Variants in GPR155 observed in about 807,000 individuals in gnomAD.
GPR155 encodes G protein-coupled receptor 155.
Under a neutral mutation model 93.1 loss-of-function variants are expected in GPR155, and 65 were observed. That is an observed-to-expected ratio of 0.70 (90% CI 0.57 to 0.86). The LOEUF (loss-of-function observed/expected upper bound fraction) is 0.86. Among genes scored for constraint, GPR155 ranks in the 40% least tolerant of loss-of-function variants. The pLI is 0.00. For synonymous variants in GPR155, 319 were observed against 360.1 expected, an observed-to-expected ratio of 0.89 and a Z score of 1.29; for missense variants, 838 against 1,034.8, an observed-to-expected ratio of 0.81 and a Z score of 2.61.
rs145128425 is a variant in GPR155, at chr2:174,450,319, C to T, written c.1876+3418G>A. ...TGGTAATGATGGAAACTGGGGACTA[C>T]GAGAGGTGGAAAGGAGGGAGAGGGC... On this transcript the variant is annotated intron_variant, in intron 11 of 15. Transcript: ENST00000392552. Among the ~76,000 whole-genome samples the T allele has an allele frequency of 1.1e-3, 169 of 151,980 alleles. 1 individual carries two copies. Among genetic ancestry groups the T allele is most frequent in the African/African-American group, 3.9e-3 (161 of 41,436 alleles).
intron 15 of GPR155, among the ~76,000 whole-genome samples, chr2:174,439,368 AAG>A (rs1298250229): frequency 6.6e-6 from 1 of 152,190 alleles, no homozygotes; most frequent in Non-Finnish European, 1.5e-5. Context: ...CCAAAATTAA[AAG>A]AGAACCTGCT....
At position 174,436,207 on chromosome 2, in the gene GPR155, C is replaced by T. The variant is rs2105656271; in HGVS notation, c.2522G>A (p.Ser841Asn). ...YRFLQKSPEQ[S>N]PPAINANTLQ... ...AGTGTTTGCATTAATAGCAGGAGGA[C>T]TCTGTTCAGGACTCTTTTGAAGAAA... Residue 841 changes from serine (S) to asparagine (N), a missense_variant, in exon 16 of 16, where the codon AGT (serine) becomes AAT (asparagine). This residue lies in a region of GPR155 where 146 missense variants were observed against 177.5 expected (regional missense o/e 0.82). Transcript: ENST00000392552. 3 of 1,613,772 alleles carry T rather than the reference C, an allele frequency of 1.9e-6. No homozygotes were observed. The highest frequency in any genetic ancestry group is 2.5e-6 in the Non-Finnish European group (3 of 1,179,676).
chr2:174,444,244 C>T (rs1309970173), intron 13 of GPR155, among the ~76,000 whole-genome samples: 2 of 151,602 alleles, frequency 1.3e-5, no homozygotes, highest in African/African-American at 2.4e-5. Context: ...GGAGAAACCC[C>T]GTCTCTACTA....
chr2:174,469,744 G>T (rs539164472), intron 4 of GPR155, among the ~76,000 whole-genome samples: 1 of 152,106 alleles, frequency 6.6e-6, no homozygotes, highest in East Asian at 1.9e-4. Context: ...AAATAAAATA[G>T]TTAAAACTAA....
rs1346380883 is a variant in GPR155 at position 174,446,861 on chromosome 2, A to C, written c.1877-114T>G. The C allele has an allele frequency of 5.4e-6, 5 of 923,978 alleles. No individual in the cohort carries two copies. In the Admixed American group the frequency reaches 1.2e-4, roughly 22 times the overall value. The allele number at this position is 923,978 out of a possible 1,614,324, so 57.2% of individuals were successfully genotyped here. On this transcript the variant is annotated intron_variant, in intron 11 of 15. Coordinates refer to ENST00000392552, the MANE Select transcript of GPR155 (RefSeq NM_152529.7). Reference sequence around the variant, plus strand: ...AGAAAAGCACATTCAGCTAAGAATCAGTATATTATTTTAGATGAAATTGGA... The same window carrying C: ...AGAAAAGCACATTCAGCTAAGAATCCGTATATTATTTTAGATGAAATTGGA...
chr2:174,476,987 C>T (rs1688185621), intron 2 of GPR155, among the ~76,000 whole-genome samples: 1 of 152,176 alleles, frequency 6.6e-6, no homozygotes, highest in South Asian at 2.1e-4. Context: ...TTTAATAGCC[C>T]TCAGTCCCTG....
chr2:174,442,712 C>T (rs1213278703), intron 13 of GPR155, among the ~76,000 whole-genome samples: 1 of 152,136 alleles, frequency 6.6e-6, no homozygotes, highest in East Asian at 1.9e-4. Flanking sequence ...AATTTAAAGA[C>T]TCTTTTTGAG....
chr2:174,461,546 C>T (rs769102655), intron 8 of GPR155, 42 bp downstream of exon 8: 3 of 1,551,354 alleles, frequency 1.9e-6, no homozygotes, highest in Non-Finnish European at 2.7e-6. Flanking sequence ...TAGTAACTGT[C>T]TATATGGAAA....
chr2:174,443,664 G>A (rs1047871684), intron 13 of GPR155, among the ~76,000 whole-genome samples: 1 of 152,046 alleles, frequency 6.6e-6, no homozygotes, highest in South Asian at 2.1e-4. Flanking sequence ...AGGAGGTGGA[G>A]GTTGCAGTGA....
chr2:174,482,013 G>C (rs1688340391), intron 1 of GPR155, 26 bp from the exon 2 acceptor site: 2 of 1,176,218 alleles, frequency 1.7e-6, no homozygotes, highest in Non-Finnish European at 1.2e-6. Flanking sequence ...GAAAGATTCA[G>C]TATGGCCATC....
chr2:174,474,409 G>A (rs186094676), intron 2 of GPR155, among the ~76,000 whole-genome samples: 1 of 152,292 alleles, frequency 6.6e-6, no homozygotes, highest in Non-Finnish European at 1.5e-5. Flanking sequence ...TAGAAAGGTG[G>A]ATCTTACAAT....
At chr2:174,483,202 AC>A (rs1256187300) in intron 1 of GPR155, 2 of 98,152 alleles carry the variant, frequency 2.0e-5, no homozygotes, top group African/African-American at 6.3e-5. Context: ...TTAATGAATA[AC>A]TATAATTACT....
Position 174,453,721 on chromosome 2 carries a change from G to A in GPR155, c.1876+16C>T. ...TCTGTCCCTTAATCCCATCCTCATA[G>A]TCCAGAGGCACTTACTTTTCTCAAA... On this transcript the variant is annotated intron_variant, in intron 11 of 15. Coordinates refer to ENST00000392552, the MANE Select transcript of GPR155 (RefSeq NM_152529.7). The A allele has an allele frequency of 8.6e-7, 1 of 1,164,010 alleles. No homozygotes were observed. Among genetic ancestry groups the A allele is most frequent in the Non-Finnish European group, 1.3e-6 (1 of 774,830 alleles). 72.1% of individuals were successfully genotyped at this position (1,164,010 alleles called of 1,614,324 possible).
At position 174,469,303 on chromosome 2, in the gene GPR155, TAATA is replaced by T. The variant is rs559426005; in HGVS notation, c.1027-240_1027-237del. Among the ~76,000 whole-genome samples the T allele has an allele frequency of 1.7e-4, 26 of 152,320 alleles. No homozygotes were observed. The East Asian group carries it at 5.0e-3, about 29-fold the overall frequency. The stretch of plus-strand genomic sequence containing the variant: ...TCTATGCTTAATTTATATTTACGCA[TAATA>T]AATACTAGAAATTTACTGTTGATGG... On this transcript the variant is annotated intron_variant, in intron 4 of 15. Coordinates refer to ENST00000392552, the MANE Select transcript of GPR155 (RefSeq NM_152529.7).
At chr2:174,456,204 C>T (rs544419356) in intron 10 of GPR155, among the ~76,000 whole-genome samples, 2 of 151,926 alleles carry the variant, frequency 1.3e-5, no homozygotes, top group Non-Finnish European at 2.9e-5. Flanking sequence ...ATAAAGGGGT[C>T]AGGTTAGAGA....
At chr2:174,467,256 T>C (rs1687866093) in intron 5 of GPR155, among the ~76,000 whole-genome samples, 1 of 152,062 alleles carries the variant, frequency 6.6e-6, no homozygotes, top group Non-Finnish European at 1.5e-5. Context: ...TCCCAGCACT[T>C]TGGGAGGCCC....
At chr2:174,482,657 G>A (rs62175273) in intron 1 of GPR155, among the ~76,000 whole-genome samples, 9 of 152,072 alleles carry the variant, frequency 5.9e-5, no homozygotes, top group East Asian at 1.9e-4. Flanking sequence ...CAAGCGATTC[G>A]TGTGCCACCA....
At chr2:174,465,724 G>T in intron 7 of GPR155, 61 bp downstream of exon 7, 1 of 814,616 alleles carries the variant, frequency 1.2e-6, no homozygotes, top group Non-Finnish European at 2.1e-6. Flanking sequence ...GAAGCTCAGG[G>T]CTATTAGGAA....
rs762153087 is a variant in GPR155 at position 174,468,916 on chromosome 2, G to A, written c.1178C>T (p.Ser393Phe). 2.5e-6 allele frequency: 4 copies of A among 1,613,256 alleles called. No homozygotes were observed. The highest frequency in any genetic ancestry group is 3.4e-6 in the Non-Finnish European group (4 of 1,179,450). ...SFDISIVSLI[S>F]LIWSLAILLL... is the part of the protein sequence containing the mutation. Reference sequence around the variant, plus strand: ...TTTGGGATGCAACGTACTTACCAAGGAGATCAGGCTGACAATACTTATATC... The same window carrying A: ...TTTGGGATGCAACGTACTTACCAAGAAGATCAGGCTGACAATACTTATATC... Residue 393 changes from serine to phenylalanine, a missense_variant, in exon 5 of 16, where the codon TCC (serine) becomes TTC (phenylalanine). Physicochemically the swap from Ser to Phe is radical, Grantham distance 155. This residue lies in a region of GPR155 where 663 missense variants were observed against 790.1 expected (regional missense o/e 0.84). Coordinates refer to ENST00000392552, the MANE Select transcript of GPR155 (RefSeq NM_152529.7).
Sources: allele counts gnomAD v4.1 joint callset (sites outside exome capture counted in the v4.1 genomes callset), GRCh38; gene constraint gnomAD v4.1.1; regional missense constraint gnomAD v4.1.1; transcripts MANE v1.5; gene names NCBI Gene and HGNC (gene_info 2026-07-23, HGNC 2026-07-21).